PPM1B: variants seen among roughly 807,000 people sequenced by gnomAD.
The protein encoded by PPM1B is protein phosphatase 1B.
In PPM1B, 22 loss-of-function variants were observed where a neutral mutation model predicts 43.0. The ratio of observed to expected loss-of-function variants is 0.51; its 90% CI spans 0.37 to 0.73. The LOEUF is 0.73. Among genes scored for constraint, PPM1B ranks in the 30% least tolerant of loss-of-function variants. The pLI, the probability that PPM1B is intolerant of heterozygous loss-of-function variation, is 0.00. For synonymous variants in PPM1B, 217 were observed against 197.9 expected (o/e 1.10, Z -0.81); for missense variants, 632 against 584.2 (o/e 1.08, Z -0.84).
chr2:44,210,183 T>A (rs1206912095), intron 3 of PPM1B, among the ~76,000 whole-genome samples: 1 of 152,044 alleles, frequency 6.6e-6, no homozygotes, highest in Non-Finnish European at 1.5e-5. Context: ...AAGATTATTT[T>A]ACATATTTTT....
At chr2:44,241,059 A>G (rs1670734399) in intron 5 of PPM1B, among the ~76,000 whole-genome samples, 1 of 141,230 alleles carries the variant, frequency 7.1e-6, no homozygotes. Flanking sequence ...GCTGCAGTGC[A>G]ATGGCGCGAT....
At chr2:44,241,239 G>T (rs1380294963) in intron 5 of PPM1B, among the ~76,000 whole-genome samples, 1 of 142,132 alleles carries the variant, frequency 7.0e-6, no homozygotes, top group African/African-American at 2.5e-5. Flanking sequence ...CCGACCTCAG[G>T]TGATCCGCCC....
intron 1 of PPM1B, among the ~76,000 whole-genome samples, chr2:44,173,692 C>T (rs553847262): frequency 9.2e-5 from 14 of 152,318 alleles, no homozygotes; most frequent in Middle Eastern, 3.4e-3. Context: ...CCTGTAATCC[C>T]AGTACTTTGG....
At chr2:44,198,786 A>G (rs1474720401) in intron 1 of PPM1B, among the ~76,000 whole-genome samples, 2 of 152,144 alleles carry the variant, frequency 1.3e-5, no homozygotes, top group Admixed American at 1.3e-4. Flanking sequence ...CATGCTCTTA[A>G]GACTGTTGAA....
At chr2:44,223,399 C>T (rs927081323) in intron 5 of PPM1B, among the ~76,000 whole-genome samples, 1 of 152,078 alleles carries the variant, frequency 6.6e-6, no homozygotes, top group African/African-American at 2.4e-5. Context: ...AAATGCAATA[C>T]CCATAGCTGC....
At chr2:44,175,911 G>A (rs528689896) in intron 1 of PPM1B, among the ~76,000 whole-genome samples, 4 of 151,132 alleles carry the variant, frequency 2.6e-5, no homozygotes, top group African/African-American at 9.7e-5. Context: ...TCAGTCTCCC[G>A]AGTAGCTGGG....
chr2:44,183,486 G>T (rs916392183), intron 1 of PPM1B, among the ~76,000 whole-genome samples: 3 of 152,202 alleles, frequency 2.0e-5, no homozygotes, highest in Non-Finnish European at 4.4e-5. Context: ...TGGATACTGG[G>T]ATAAGGTTTA....
downstream of PPM1B, chr2:44,233,294 C>G: frequency 1.1e-6 from 1 of 927,974 alleles, no homozygotes; most frequent in Middle Eastern, 5.6e-4. Flanking sequence ...TATTTTAGAT[C>G]TAAGGAAATA....
At chr2:44,211,076 C>T (rs1368192774) in intron 3 of PPM1B, among the ~76,000 whole-genome samples, 1 of 152,034 alleles carries the variant, frequency 6.6e-6, no homozygotes, top group African/African-American at 2.4e-5. Flanking sequence ...GTGGAGATTG[C>T]AGTGAGCCGA....
At chr2:44,228,284 C>G (rs1054338470) in intron 5 of PPM1B, among the ~76,000 whole-genome samples, 1 of 140,460 alleles carries the variant, frequency 7.1e-6, no homozygotes, top group African/African-American at 2.5e-5. Flanking sequence ...ACCTCCTCGA[C>G]TTAGCTCAAC....
chr2:44,212,181 A>G (rs1018253359), intron 3 of PPM1B, among the ~76,000 whole-genome samples: 2 of 152,220 alleles, frequency 1.3e-5, no homozygotes, highest in Admixed American at 6.5e-5. Context: ...TCAGGCAATG[A>G]GAGCCTCTTA....
At chr2:44,207,923 C>T (rs1169073319) in intron 2 of PPM1B, among the ~76,000 whole-genome samples, 4 of 132,256 alleles carry the variant, frequency 3.0e-5, no homozygotes, top group Non-Finnish European at 6.2e-5. Context: ...CAGTCTCACT[C>T]TGTTGCCCAG....
At position 44,218,463 on chromosome 2, in the gene PPM1B, ATG is replaced by A. The variant is rs1349945983; in HGVS notation, c.1077-15_1077-14del. The A allele has an allele frequency of 6.1e-6, 9 of 1,475,164 alleles. No individual in the cohort carries two copies. Among genetic ancestry groups the A allele is most frequent in the South Asian group, 3.7e-5 (3 of 82,038 alleles). The allele number at this position is 1,475,164 out of a possible 1,614,324, so 91.4% of individuals were successfully genotyped here. ...CTGTGTAATTTAATAAAACTAAAGC[ATG>A]TTTTTTTTTTTTAGGCGTAATGTTA... On this transcript the variant is annotated splice_polypyrimidine_tract_variant and intron_variant, in intron 4 of 5. Transcript: ENST00000282412.
At chr2:44,183,091 G>A (rs1308840066) in intron 1 of PPM1B, among the ~76,000 whole-genome samples, 1 of 152,204 alleles carries the variant, frequency 6.6e-6, no homozygotes, top group Non-Finnish European at 1.5e-5. Flanking sequence ...TCTCATCTCA[G>A]GATCTTCAGA....
chr2:44,237,097 G>T (rs76803338), downstream of PPM1B, among the ~76,000 whole-genome samples: 2 of 152,044 alleles, frequency 1.3e-5, no homozygotes, highest in Non-Finnish European at 2.9e-5. Flanking sequence ...TTTAAATTCT[G>T]TACTAGAAAA....
downstream of PPM1B, among the ~76,000 whole-genome samples, chr2:44,238,003 C>A (rs1325827968): frequency 6.6e-6 from 1 of 152,128 alleles, no homozygotes; most frequent in Non-Finnish European, 1.5e-5. Flanking sequence ...CGGGTTCAAG[C>A]GATTCTTCTG....
rs372808998 is a variant in PPM1B at position 44,229,190 on chromosome 2, A to C, written c.1135-1223A>C. Reference sequence around the variant, plus strand: ...AGAGTGAAACTCCATCCCAAAAAAAAAAAAAGAACGAAGACATTTTTCTGT... The same window carrying C: ...AGAGTGAAACTCCATCCCAAAAAAACAAAAAGAACGAAGACATTTTTCTGT... On this transcript the variant is annotated intron_variant, in intron 5 of 5. Coordinates refer to ENST00000282412, the MANE Select transcript of PPM1B (RefSeq NM_002706.6). 3.5e-4 allele frequency among the ~76,000 whole-genome samples: 54 copies of C among 152,270 alleles called. 2 individuals carry two copies. The South Asian group carries it at 8.5e-3, about 24-fold the overall frequency.
At chr2:44,234,706 A>C, downstream of PPM1B, 10 of 669,682 alleles carry the variant, frequency 1.5e-5, no homozygotes, top group Non-Finnish European at 1.8e-5. Flanking sequence ...ACTCTTACAA[A>C]TTGTATACTC....
At position 44,201,902 on chromosome 2, in the gene PPM1B, G is replaced by C; in HGVS notation, c.703G>C (p.Asp235His). 6.2e-7 allele frequency: 1 copy of C among 1,614,146 alleles called. No individual in the cohort carries two copies. The highest frequency in any genetic ancestry group is 1.7e-5 in the Admixed American group (1 of 60,020). Residue 235 changes from aspartate to histidine, a missense_variant, in exon 2 of 6, where the codon GAT becomes CAT. Coordinates refer to ENST00000282412, the MANE Select transcript of PPM1B (RefSeq NM_002706.6). The surrounding 1 kb of genome is among the most constrained non-coding windows in gnomAD (Gnocchi z 5.4). Reference protein sequence around the residue: ...EVYEILRAEEDEFIILACDGI... With the variant: ...EVYEILRAEEHEFIILACDGI... ...TTATGAAATTTTAAGAGCAGAAGAGGATGAATTTATCATCTTGGCTTGTGA... is the reference window on the plus strand; with the variant it reads ...TTATGAAATTTTAAGAGCAGAAGAGCATGAATTTATCATCTTGGCTTGTGA...
Sources: allele counts gnomAD v4.1 joint callset (sites outside exome capture counted in the v4.1 genomes callset), GRCh38; gene constraint gnomAD v4.1.1; non-coding constraint Gnocchi (gnomAD v3.1); transcripts MANE v1.5; gene names NCBI Gene and HGNC (gene_info 2026-07-23, HGNC 2026-07-21).